Variants in ARSB observed in about 807,000 individuals in gnomAD.
ARSB encodes arylsulfatase B, also known as N-acetylgalactosamine-4-sulfatase.
Under a neutral mutation model 50.9 loss-of-function variants are expected in ARSB, and 41 were observed. The ratio of observed to expected loss-of-function variants is 0.81; its 90% confidence interval spans 0.63 to 1.04. The LOEUF (loss-of-function observed/expected upper bound fraction) is 1.04, where lower values mean the gene tolerates loss of function less well. Among genes scored for constraint, ARSB ranks in the 50% least tolerant of loss-of-function variants. The probability of loss-of-function intolerance (pLI) is 0.00; values close to 1 mark genes in which losing one functional copy is unlikely to be tolerated. For missense variants in ARSB, 672 were observed against 693.3 expected, an observed-to-expected ratio of 0.97 and a Z score of 0.35; for synonymous variants, 269 against 284.8, an observed-to-expected ratio of 0.94 and a Z score of 0.56.
chr5:78,843,545 G>C (rs1168652389), intron 5 of ARSB, among the ~76,000 whole-genome samples: 1 of 152,096 alleles, frequency 6.6e-6, no homozygotes, highest in Non-Finnish European at 1.5e-5. Flanking sequence ...CCCAAACTTA[G>C]CTTTATTGAA....
At chr5:78,793,310 C>G (rs879493455) in intron 6 of ARSB, among the ~76,000 whole-genome samples, 1 of 152,118 alleles carries the variant, frequency 6.6e-6, no homozygotes, top group Admixed American at 6.5e-5. Flanking sequence ...TTTCATGCTG[C>G]CTGCAGTGGG....
At chr5:78,832,033 G>A (rs1166953918) in intron 6 of ARSB, among the ~76,000 whole-genome samples, 8 of 152,052 alleles carry the variant, frequency 5.3e-5, no homozygotes, top group African/African-American at 1.7e-4. Context: ...ATAAGACACC[G>A]AGAGAACTAT....
intron 4 of ARSB, among the ~76,000 whole-genome samples, chr5:78,925,027 G>A (rs577563199): frequency 3.2e-4 from 49 of 152,286 alleles, no homozygotes; most frequent in African/African-American, 1.2e-3. Flanking sequence ...CACCTTGGCT[G>A]ACTGGTTGCA....
chr5:78,976,158 T>C (rs1752651913), intron 1 of ARSB, among the ~76,000 whole-genome samples: 1 of 151,966 alleles, frequency 6.6e-6, no homozygotes, highest in African/African-American at 2.4e-5. Context: ...GAGCTGCCTA[T>C]GGGAAGGAGG....
intron 4 of ARSB, among the ~76,000 whole-genome samples, chr5:78,919,107 G>A (rs1301404490): frequency 1.3e-5 from 2 of 152,214 alleles, no homozygotes; most frequent in Non-Finnish European, 2.9e-5. Flanking sequence ...AGAAGGTGGA[G>A]TTGCAGAGAG....
chr5:78,865,791 T>A (rs2112120306), intron 5 of ARSB, among the ~76,000 whole-genome samples: 1 of 152,318 alleles, frequency 6.6e-6, no homozygotes, highest in East Asian at 1.9e-4. Context: ...AAATTCAAAG[T>A]TCCACAAATC....
At chr5:78,817,639 T>C (rs1352519757) in intron 6 of ARSB, among the ~76,000 whole-genome samples, 1 of 151,900 alleles carries the variant, frequency 6.6e-6, no homozygotes, top group Non-Finnish European at 1.5e-5. Context: ...TGAAACCACC[T>C]CTCTACTAAA....
At position 78,853,476 on chromosome 5, in the gene ARSB, G is replaced by A. The variant is rs979599120; in HGVS notation, c.1143-14050C>T. On this transcript the variant is annotated intron_variant, in intron 5 of 7. Transcript: ENST00000264914. ...TGTCAGTCTGCCCCTACTGGGGGGT[G>A]CCTCCCGGTTAGGTTGCTCGGGGTT... 1.3e-4 allele frequency among the ~76,000 whole-genome samples: 20 copies of A among 152,228 alleles called. 1 individual carries two copies. Among genetic ancestry groups the A allele is most frequent in the Admixed American group, 3.9e-4 (6 of 15,290 alleles).
chr5:78,781,920 G>T lies in ARSB; in HGVS notation c.1268C>A (p.Ser423Ter), dbSNP rs1292753057. 1 of 1,613,972 alleles carries T rather than the reference G, an allele frequency of 6.2e-7. No individual in the cohort carries two copies. Among genetic ancestry groups the T allele is most frequent in the African/African-American group, 1.3e-5 (1 of 74,926 alleles). ...AGCATGGACAGATGTGTTAAAGGCT[G>T]AATATTCTGGAAGAGAAGAGTCATC... ...AKDDSSLPEY[S>*]AFNTSVHAAI... Residue 423 changes from serine to a stop codon, truncating the protein, a stop_gained, in exon 7 of 8, where the codon TCA becomes TAA. Coordinates refer to ENST00000264914, the MANE Select transcript of ARSB (RefSeq NM_000046.5). LOFTEE classifies it high-confidence loss of function.
rs1748838907 is a variant in ARSB, at chr5:78,778,702, T to C, written c.*1695A>G. The C allele has an allele frequency of 6.6e-6, 1 of 152,256 alleles. No homozygotes were observed. Among genetic ancestry groups the C allele is most frequent in the African/African-American group, 2.4e-5 (1 of 41,464 alleles). 9.4% of individuals were successfully genotyped at this position (152,256 alleles called of 1,614,324 possible). On this transcript the variant is annotated 3_prime_UTR_variant, in exon 8 of 8. Coordinates refer to ENST00000264914, the MANE Select transcript of ARSB (RefSeq NM_000046.5). ...TTTCATGGTGTGAGACTTTCTCATT[T>C]ACTCATTTGTCCATTTATTCATTTG...
At chr5:78,817,419 T>C (rs1744036854) in intron 6 of ARSB, among the ~76,000 whole-genome samples, 1 of 152,156 alleles carries the variant, frequency 6.6e-6, no homozygotes, top group African/African-American at 2.4e-5. Context: ...GATAAAAGTA[T>C]GTGTAGATCC....
At chr5:78,970,752 C>T (rs1216446206) in intron 1 of ARSB, among the ~76,000 whole-genome samples, 3 of 152,094 alleles carry the variant, frequency 2.0e-5, no homozygotes, top group Admixed American at 2.0e-4. Context: ...CCAGGAATTC[C>T]AGACCAGCCT....
At chr5:78,901,798 A>T (rs896567187) in intron 4 of ARSB, among the ~76,000 whole-genome samples, 4 of 152,262 alleles carry the variant, frequency 2.6e-5, no homozygotes, top group Non-Finnish European at 1.5e-5. Flanking sequence ...GTCATCCAAG[A>T]GGCACAAACT....
intron 1 of ARSB, among the ~76,000 whole-genome samples, chr5:78,978,586 G>C (rs58225382): frequency 0.035 from 5,334 of 152,100 alleles, 288 homozygotes; most frequent in African/African-American, 0.12. Context: ...TGGAAGACTT[G>C]CATTTTCTAA....
At chr5:78,907,825 G>T (rs1749130972) in intron 4 of ARSB, among the ~76,000 whole-genome samples, 1 of 152,130 alleles carries the variant, frequency 6.6e-6, no homozygotes, top group Non-Finnish European at 1.5e-5. Context: ...AATGTCTTTG[G>T]ATTTCTAGCT....
chr5:78,835,049 C>T (rs10454895), intron 6 of ARSB, among the ~76,000 whole-genome samples: 34,008 of 145,334 alleles, frequency 0.23, 4,216 homozygotes, highest in Non-Finnish European at 0.27. Flanking sequence ...GTATAATTTA[C>T]GTATGCATCC....
chr5:78,917,457 C>T (rs916519794), intron 4 of ARSB, among the ~76,000 whole-genome samples: 13 of 152,058 alleles, frequency 8.5e-5, no homozygotes, highest in Admixed American at 5.9e-4. Context: ...TCTGAGCATA[C>T]GCATTTTTCT....
At chr5:78,939,684 G>T (rs184092830) in intron 4 of ARSB, among the ~76,000 whole-genome samples, 5 of 152,208 alleles carry the variant, frequency 3.3e-5, no homozygotes, top group Admixed American at 1.3e-4. Flanking sequence ...TCTATCATTG[G>T]TGGACATTTG....
intron 4 of ARSB, among the ~76,000 whole-genome samples, chr5:78,944,293 C>T (rs564234991): frequency 6.2e-4 from 94 of 152,368 alleles, no homozygotes; most frequent in African/African-American, 1.9e-3. Context: ...AACTCATTCT[C>T]CATCCAGCTT....
Sources: allele counts gnomAD v4.1 joint callset (sites outside exome capture counted in the v4.1 genomes callset), GRCh38; gene constraint gnomAD v4.1.1; transcripts MANE v1.5; gene names NCBI Gene and HGNC (gene_info 2026-07-23, HGNC 2026-07-21).